The following MTA2 variants were observed in gnomAD, a reference collection of about 807,000 sequenced individuals.
MTA2 encodes metastasis-associated protein MTA2.
Under a neutral mutation model 87.1 loss-of-function variants are expected in MTA2, and 22 were observed. The observed-to-expected ratio is 0.25, with a 90% CI of 0.18 to 0.36. The LOEUF is 0.36. MTA2 is among the 10% of genes least tolerant of loss of function. The pLI is 1.00. For synonymous variants in MTA2, 314 were observed against 310.1 expected, an observed-to-expected ratio of 1.01 and a Z score of -0.13; for missense variants, 542 against 853.2, an observed-to-expected ratio of 0.64 and a Z score of 4.54.
chr11:62,594,033 G>A lies in MTA2; in HGVS notation c.1849C>T (p.Arg617Trp). The A allele has an allele frequency of 1.9e-6, 3 of 1,601,212 alleles. No individual in the cohort carries two copies. The highest frequency in any genetic ancestry group is 2.6e-6 in the Non-Finnish European group (3 of 1,173,886). ...FVATKDTRAL[R>W]KALTHLEMRR... ...ATTTCCAGATGGGTCAGAGCCTTCC[G>A]TAGGGCCCTGGCCAGAAAGAGCAAG... The change falls in exon 18 of 18, where the codon CGG (arginine) becomes TGG (tryptophan). Residue 617 changes from arginine to tryptophan, a missense_variant. Physicochemically the swap from Arg to Trp is moderately radical, Grantham distance 101. Around this residue, in one of 6 missense-constraint regions of MTA2, gnomAD observed 269 missense variants for 346.4 expected, o/e 0.78. Transcript: ENST00000278823.
intron 15 of MTA2, 67 bp downstream of exon 15, chr11:62,594,914 G>A (rs1942077477): frequency 1.4e-6 from 2 of 1,392,294 alleles, no homozygotes; most frequent in Non-Finnish European, 2.0e-6. Context: ...AAAAAGCAAG[G>A]GGAGAGATGT....
chr11:62,593,979 G>A lies in MTA2; in HGVS notation c.1903C>T (p.Pro635Ser). 6.2e-7 allele frequency: 1 copy of A among 1,614,022 alleles called. No individual in the cohort carries two copies. Among genetic ancestry groups the A allele is most frequent in the South Asian group, 1.1e-5 (1 of 91,070 alleles). ...MRRAARRPNL[P>S]LKVKPTLIAV... ...ATCAGCGTTGGCTTCACCTTCAGGG[G>A]CAAGTTGGGTCGGCGAGCAGCTCGC... is the stretch of plus-strand genomic sequence containing the variant. Residue 635 changes from proline to serine, a missense_variant, in exon 18 of 18, where the codon CCC becomes TCC. Pro to Ser is a moderately conservative substitution (Grantham distance 74, BLOSUM62 -1). Transcript: ENST00000278823.
Position 62,595,958 on chromosome 11 carries a change from C to T in MTA2, c.1114+52G>A. On this transcript the variant is annotated intron_variant, in intron 12 of 17. Transcript: ENST00000278823. The surrounding 1 kb of genome is among the most constrained non-coding windows in gnomAD (Gnocchi z 4.9). The stretch of plus-strand genomic sequence containing the variant: ...TACCTAAGCCCCTCAGATTCTTGAG[C>T]CACAGCAGGCCTTCCACCCATCCCC... 2.5e-6 allele frequency: 4 copies of T among 1,614,016 alleles called. No homozygotes were observed. The highest frequency in any genetic ancestry group is 2.5e-6 in the Non-Finnish European group (3 of 1,179,924).
intron 6 of MTA2, 48 bp downstream of exon 6, chr11:62,597,976 T>G (rs781684568): frequency 2.6e-6 from 4 of 1,524,096 alleles, no homozygotes; most frequent in African/African-American, 2.7e-5. Flanking sequence ...AAAGTGCCCC[T>G]TGGAATTAGA....
chr11:62,594,832 T>G, intron 15 of MTA2, 149 bp downstream of exon 15: 1 of 889,876 alleles, frequency 1.1e-6, no homozygotes, highest in Non-Finnish European at 1.8e-6. Context: ...CTGAATAGTT[T>G]ACAAAAAAAA....
intron 3 of MTA2, chr11:62,599,385 A>G (rs1198697129): frequency 2.0e-5 from 3 of 152,312 alleles, no homozygotes; most frequent in Non-Finnish European, 2.9e-5. Flanking sequence ...CCACACCCCC[A>G]ACACCCCTTC....
Position 62,598,402 on chromosome 11 carries a change from A to C in MTA2, c.309-12T>G. On this transcript the variant is annotated splice_polypyrimidine_tract_variant and intron_variant, in intron 4 of 17. Transcript: ENST00000278823. ...CACTGCATTTCCCCCTATAGGAGAG[A>C]GATTGGAAAACCCCGGTGAGCCCCA... 1 of 1,613,834 alleles carries C rather than the reference A, an allele frequency of 6.2e-7. No homozygotes were observed. The highest frequency in any genetic ancestry group is 8.5e-7 in the Non-Finnish European group (1 of 1,179,862).
intron 1 of MTA2, 191 bp downstream of exon 1, chr11:62,601,232 G>A (rs577143353): frequency 1.5e-6 from 1 of 686,792 alleles, no homozygotes; most frequent in East Asian, 3.1e-5. Flanking sequence ...CTTCTCTCTG[G>A]GAGTCTCGGA....
chr11:62,596,093 G>C lies in MTA2; in HGVS notation c.1031C>G (p.Pro344Arg). 1 of 1,614,164 alleles carries C rather than the reference G, an allele frequency of 6.2e-7. No homozygotes were observed. The highest frequency in any genetic ancestry group is 8.5e-7 in the Non-Finnish European group (1 of 1,180,038). Residue 344 changes from proline to arginine, a missense_variant, in exon 12 of 18, where the codon CCT (proline) becomes CGT (arginine). This residue lies in a region of MTA2 where 46 missense variants were observed against 109.1 expected (regional missense o/e 0.42). Transcript: ENST00000278823. Reference protein sequence around the residue: ...VYIPTYTKPNPNQIISVGSKP... With the variant: ...VYIPTYTKPNRNQIISVGSKP... ...TGAACCCACAGAAATGATCTGGTTA[G>C]GGTTTGGCTTAGTGCTAACGGGGAA...
At position 62,598,111 on chromosome 11, in the gene MTA2, G is replaced by A; in HGVS notation, c.403C>T (p.Pro135Ser). ...TCAGCGAGAAGTGTCTTCTGCACGG[G>A]GTCAAACACCAGTGAGTAAAAAAAG... ...DCFFYSLVFD[P>S]VQKTLLADQG... The change falls in exon 6 of 18, where the codon CCC (proline) becomes TCC (serine). Residue 135 changes from proline (P) to serine (S), a missense_variant. Pro to Ser is a moderately conservative substitution (Grantham distance 74, BLOSUM62 -1). This residue lies in a region of MTA2 where 150 missense variants were observed against 243.9 expected (regional missense o/e 0.62). Coordinates refer to ENST00000278823, the MANE Select transcript of MTA2 (RefSeq NM_004739.4). The A allele has an allele frequency of 1.2e-6, 2 of 1,613,984 alleles. No individual in the cohort carries two copies. Among genetic ancestry groups the A allele is most frequent in the Non-Finnish European group, 1.7e-6 (2 of 1,180,012 alleles).
rs1942116977 is a variant in MTA2 at position 62,597,630 on chromosome 11, G to A, written c.573C>T (p.Asp191=). The A allele has an allele frequency of 3.1e-6, 5 of 1,613,984 alleles. No homozygotes were observed. Among genetic ancestry groups the A allele is most frequent in the African/African-American group, 1.3e-5 (1 of 74,888 alleles). Residue 191 remains aspartate, a synonymous_variant, in exon 7 of 18, where the codon GAC becomes GAT. Coordinates refer to ENST00000278823, the MANE Select transcript of MTA2 (RefSeq NM_004739.4). ...CTCACCGGGCCACCACAAGAAACTGGTCGATCTGCCGGTCTGTGAGAGGGT... is the reference window on the plus strand; with the variant it reads ...CTCACCGGGCCACCACAAGAAACTGATCGATCTGCCGGTCTGTGAGAGGGT... ...PDNPLTDRQI[D]QFLVVARAVG... is the part of the protein sequence containing the mutation.
chr11:62,600,697 G>A lies in MTA2; in HGVS notation c.29-8C>T. On this transcript the variant is annotated splice_polypyrimidine_tract_variant and splice_region_variant and intron_variant, in intron 1 of 17. Coordinates refer to ENST00000278823, the MANE Select transcript of MTA2 (RefSeq NM_004739.4). Reference sequence around the variant, plus strand: ...TCTCAAAATAGACGTAATCTGTAAGGGAAGGGAGGGGGGAGAACCACGAAG... The same window carrying A: ...TCTCAAAATAGACGTAATCTGTAAGAGAAGGGAGGGGGGAGAACCACGAAG... 2 of 1,612,966 alleles carry A rather than the reference G, an allele frequency of 1.2e-6. No homozygotes were observed. Among genetic ancestry groups the A allele is most frequent in the South Asian group, 2.2e-5 (2 of 91,042 alleles).
At chr11:62,600,822 T>A in intron 1 of MTA2, 133 bp from the exon 2 acceptor site, 2 of 687,712 alleles carry the variant, frequency 2.9e-6, no homozygotes, top group Non-Finnish European at 4.9e-6. Flanking sequence ...GGCGCTGAGA[T>A]GTGAAAGTGG....
At chr11:62,598,750 A>T in intron 3 of MTA2, 111 bp from the exon 4 acceptor site, 1 of 979,964 alleles carries the variant, frequency 1.0e-6, no homozygotes, top group East Asian at 2.4e-5. Flanking sequence ...TTTTTCTCAC[A>T]TTTCCCAGGC....
intron 1 of MTA2, 73 bp downstream of exon 1, chr11:62,601,350 G>C: frequency 6.4e-7 from 1 of 1,562,182 alleles, no homozygotes; most frequent in Non-Finnish European, 8.7e-7. Flanking sequence ...CGCGCCACCC[G>C]GTGCCGAGCC....
chr11:62,593,753 C>A lies in MTA2; in HGVS notation c.*122G>T, dbSNP rs1942055955. On this transcript the variant is annotated 3_prime_UTR_variant, in exon 18 of 18. Transcript: ENST00000278823. ...GGCGCCCAACCCCTCCAGGGACACA[C>A]ACTCACTTGCTCTCTTCCTTAATTC... The A allele has an allele frequency of 6.3e-6, 8 of 1,271,620 alleles. No individual in the cohort carries two copies. In the South Asian group the frequency reaches 9.9e-5, roughly 16 times the overall value. 78.8% of individuals were successfully genotyped at this position (1,271,620 alleles called of 1,614,324 possible).
chr11:62,597,270 C>A, intron 8 of MTA2, 46 bp downstream of exon 8: 1 of 1,367,166 alleles, frequency 7.3e-7, no homozygotes, highest in Non-Finnish European at 1.0e-6. Flanking sequence ...CTCTGCAAGT[C>A]CCCAGAAAAC....
chr11:62,598,737 G>A (rs544142908), intron 3 of MTA2, 98 bp from the exon 4 acceptor site: 2 of 1,142,268 alleles, frequency 1.8e-6, no homozygotes, highest in Non-Finnish European at 1.3e-6. Flanking sequence ...TATCTTGGCT[G>A]TTTTTTTCTC....
intron 3 of MTA2, 101 bp downstream of exon 3, chr11:62,600,051 CCACCCCCAAACTCA>C: frequency 1.1e-6 from 1 of 933,130 alleles, no homozygotes; most frequent in South Asian, 1.6e-5. Context: ...CAGGCATTTC[CCACCCCCAAACTCA>C]CACCTCTGCC....
Sources: allele counts gnomAD v4.1 joint callset, GRCh38; gene constraint gnomAD v4.1.1; regional missense constraint gnomAD v4.1.1; non-coding constraint Gnocchi (gnomAD v3.1); transcripts MANE v1.5; gene names NCBI Gene and HGNC (gene_info 2026-07-23, HGNC 2026-07-21).